Variants in SLC25A40 observed in about 807,000 individuals in gnomAD.
SLC25A40 encodes the protein mitochondrial glutathione transporter SLC25A40.
SLC25A40 carries 41 observed loss-of-function variants against 46.5 expected under a neutral mutation model. The ratio of observed to expected loss-of-function variants is 0.88; its 90% CI spans 0.69 to 1.14. The LOEUF (loss-of-function observed/expected upper bound fraction) is 1.14. Among genes scored for constraint, SLC25A40 ranks in the 50% most tolerant of loss-of-function variants. The pLI is 0.00. For missense variants in SLC25A40, 386 were observed against 393.6 expected (o/e 0.98, Z 0.16); for synonymous variants, 126 against 127.5 (o/e 0.99, Z 0.08).
intron 1 of SLC25A40, among the ~76,000 whole-genome samples, chr7:87,861,790 C>G (rs992711877): frequency 6.6e-6 from 1 of 152,018 alleles, no homozygotes; most frequent in Admixed American, 6.5e-5. Flanking sequence ...CTTGAATATG[C>G]GCACATGAAA....
chr7:87,847,216 A>G (rs1314548817), intron 7 of SLC25A40, 94 bp from the exon 8 acceptor site: 119 of 1,000,564 alleles, frequency 1.2e-4, no homozygotes, highest in Non-Finnish European at 1.6e-4. Context: ...CAGATTTTAT[A>G]TTTTAAACTT....
At chr7:87,852,070 A>C (rs1463524329) in intron 5 of SLC25A40, among the ~76,000 whole-genome samples, 1 of 152,218 alleles carries the variant, frequency 6.6e-6, no homozygotes, top group Non-Finnish European at 1.5e-5. Context: ...TCTAAAAGAA[A>C]TTCACTTCAA....
intron 1 of SLC25A40, among the ~76,000 whole-genome samples, chr7:87,871,150 G>A (rs1838890053): frequency 6.6e-6 from 1 of 152,206 alleles, no homozygotes; most frequent in African/African-American, 2.4e-5. Flanking sequence ...AACAGCGAGT[G>A]AGTAGAGTTT....
intron 6 of SLC25A40, among the ~76,000 whole-genome samples, chr7:87,849,186 A>G (rs374534480): frequency 6.6e-6 from 1 of 152,206 alleles, no homozygotes; most frequent in African/African-American, 2.4e-5. Flanking sequence ...CATGAAAAAA[A>G]TTACCATATG....
chr7:87,848,918 T>C (rs1374808347), intron 6 of SLC25A40, among the ~76,000 whole-genome samples: 2 of 152,174 alleles, frequency 1.3e-5, no homozygotes, highest in South Asian at 2.1e-4. Flanking sequence ...ACCTTAAACA[T>C]TGTTTAAAAT....
rs140001033 is a variant in SLC25A40, at chr7:87,839,342, A to C, written c.823+2291T>G. Among the ~76,000 whole-genome samples, 97 of 150,270 alleles carry C rather than the reference A, an allele frequency of 6.5e-4. 2 individuals carry two copies. The highest frequency in any genetic ancestry group is 6.4e-3 in the Admixed American group (96 of 15,046). On this transcript the variant is annotated intron_variant, in intron 10 of 11. Transcript: ENST00000341119. ...GAAATACGGAAAAATATTGCCTTAA[A>C]TATTAAAACCAACGTACTATTTATT...
Position 87,841,630 on chromosome 7 carries a change from T to C in SLC25A40, c.823+3A>G. The C allele has an allele frequency of 6.8e-7, 1 of 1,473,590 alleles. No homozygotes were observed. Among genetic ancestry groups the C allele is most frequent in the Non-Finnish European group, 9.0e-7 (1 of 1,105,236 alleles). 91.3% of individuals were successfully genotyped at this position (1,473,590 alleles called of 1,614,324 possible). On this transcript the variant is annotated splice_donor_region_variant and intron_variant, in intron 10 of 11. Coordinates refer to ENST00000341119, the MANE Select transcript of SLC25A40 (RefSeq NM_018843.4). ...AAAAATATTTTAAATTAATTAAACT[T>C]ACTTTTATGACTTTCATATGTCCAA...
intron 2 of SLC25A40, among the ~76,000 whole-genome samples, chr7:87,858,987 C>CAG (rs1838656532): frequency 6.6e-6 from 1 of 152,178 alleles, no homozygotes; most frequent in South Asian, 2.1e-4. Context: ...TCAGCAAATA[C>CAG]AGCCCTTTAT....
intron 4 of SLC25A40, among the ~76,000 whole-genome samples, chr7:87,855,714 T>C (rs1838602512): frequency 6.6e-6 from 1 of 152,230 alleles, no homozygotes; most frequent in Non-Finnish European, 1.5e-5. Context: ...ACAGTGGCTT[T>C]ATATCTGAGC....
intron 10 of SLC25A40, among the ~76,000 whole-genome samples, chr7:87,837,560 C>A (rs1382597246): frequency 2.0e-5 from 3 of 150,988 alleles, no homozygotes; most frequent in Non-Finnish European, 4.5e-5. Flanking sequence ...TGAATAAAAA[C>A]CTAATTTTTT....
rs780866818 is a variant in SLC25A40 at position 87,836,825 on chromosome 7, A to G, written c.824-15T>C. Reference sequence around the variant, plus strand: ...AGGCATAGAAACTAAATGTTAAAATAAAGAAATAATGCTATTATAAATAAC... The same window carrying G: ...AGGCATAGAAACTAAATGTTAAAATGAAGAAATAATGCTATTATAAATAAC... On this transcript the variant is annotated splice_polypyrimidine_tract_variant and intron_variant, in intron 10 of 11. Transcript: ENST00000341119. 3.6e-6 allele frequency: 5 copies of G among 1,404,114 alleles called. No homozygotes were observed. In the South Asian group the frequency reaches 5.5e-5, roughly 16 times the overall value. 87.0% of individuals were successfully genotyped at this position (1,404,114 alleles called of 1,614,324 possible).
At chr7:87,842,578 C>T (rs1231585653) in intron 9 of SLC25A40, among the ~76,000 whole-genome samples, 2 of 151,994 alleles carry the variant, frequency 1.3e-5, no homozygotes, top group Admixed American at 6.6e-5. Context: ...AAGGTAAAAT[C>T]AAGGACTGTT....
chr7:87,834,968 C>T lies in SLC25A40; in HGVS notation c.*1281G>A, dbSNP rs1263922446. ...ATATAAACACTTTCCTACTATAGTA[C>T]AAAATCAATTAGTTCCTCTACCAGC... On this transcript the variant is annotated 3_prime_UTR_variant, in exon 12 of 12. Coordinates refer to ENST00000341119, the MANE Select transcript of SLC25A40 (RefSeq NM_018843.4). The T allele has an allele frequency of 6.6e-6, 1 of 151,314 alleles. No homozygotes were observed. The highest frequency in any genetic ancestry group is 1.5e-5 in the Non-Finnish European group (1 of 67,618). 9.4% of individuals were successfully genotyped at this position (151,314 alleles called of 1,614,324 possible).
At position 87,858,036 on chromosome 7, in the gene SLC25A40, G is replaced by A. The variant is rs556156206; in HGVS notation, c.97+595C>T. Among the ~76,000 whole-genome samples the A allele has an allele frequency of 1.5e-4, 23 of 152,278 alleles. No homozygotes were observed. The South Asian group carries it at 3.5e-3, about 23-fold the overall frequency. ...ACTCTGGGAGTGTCTGTCTTATGCC[G>A]TTGAGATAAAGACTGAAATACGCCC... On this transcript the variant is annotated intron_variant, in intron 3 of 11. Transcript: ENST00000341119.
chr7:87,855,875 T>C (rs1389506080), intron 4 of SLC25A40, among the ~76,000 whole-genome samples: 1 of 152,212 alleles, frequency 6.6e-6, no homozygotes, highest in Non-Finnish European at 1.5e-5. Flanking sequence ...CTACATAAAC[T>C]ACTATCCAGA....
In SLC25A40 at chr7:87,835,091, AATAT is replaced by A. The variant is rs370850973; in HGVS notation, c.*1154_*1157del. On this transcript the variant is annotated 3_prime_UTR_variant, in exon 12 of 12. Transcript: ENST00000341119. ...ACTGCAATAAATTAGTGCTTTAAAA[AATAT>A]ATATATATAGGATATAGATCCTAAG... 2 of 150,722 alleles carry A rather than the reference AATAT, an allele frequency of 1.3e-5. No individual in the cohort carries two copies. The highest frequency in any genetic ancestry group is 3.0e-5 in the Non-Finnish European group (2 of 67,372). 9.3% of individuals were successfully genotyped at this position (150,722 alleles called of 1,614,324 possible).
chr7:87,836,679 T>C, intron 11 of SLC25A40, 51 bp downstream of exon 11: 1 of 1,244,844 alleles, frequency 8.0e-7, no homozygotes, highest in Non-Finnish European at 1.1e-6. Flanking sequence ...GAAGGTAATA[T>C]TTTAAAAGTA....
chr7:87,854,731 GA>G (rs1454261076), intron 4 of SLC25A40, among the ~76,000 whole-genome samples: 1 of 146,656 alleles, frequency 6.8e-6, no homozygotes, highest in East Asian at 2.0e-4. Flanking sequence ...AGAATGGCGT[GA>G]ACCCGGGAGG....
intron 2 of SLC25A40, 145 bp from the exon 3 acceptor site, chr7:87,858,896 C>A: frequency 1.7e-6 from 1 of 603,206 alleles, no homozygotes; most frequent in South Asian, 2.0e-5. Flanking sequence ...AGAATGAAAG[C>A]AGGTGACCAC....
Sources: gnomAD v4.1 joint callset for allele counts (sites outside exome capture counted in the v4.1 genomes callset) on GRCh38, gnomAD v4.1.1 for gene constraint, MANE v1.5 for transcripts, NCBI Gene and HGNC (gene_info 2026-07-23, HGNC 2026-07-21) for gene names.